TENM1: variants seen among roughly 807,000 people sequenced by gnomAD.
TENM1 encodes teneurin transmembrane protein 1.
Under a neutral mutation model 174.8 loss-of-function variants are expected in TENM1, and 35 were observed. The observed-to-expected ratio is 0.20, with a 90% CI of 0.15 to 0.27. The LOEUF (loss-of-function observed/expected upper bound fraction) is 0.27, where lower values mean the gene tolerates loss of function less well. Ranked by LOEUF, TENM1 falls within the 10% of genes least tolerant of loss-of-function variation. The pLI is 1.00. For missense variants in TENM1, 1,633 were observed against 2,130.1 expected, an observed-to-expected ratio of 0.77 and a Z score of 4.59; for synonymous variants, 781 against 798.7, an observed-to-expected ratio of 0.98 and a Z score of 0.37.
chrX:124,661,490 T>C (rs2051599667), intron 6 of TENM1, among the ~76,000 whole-genome samples: 1 of 111,931 alleles, frequency 8.9e-6, no homozygotes, highest in South Asian at 3.7e-4. Flanking sequence ...GCCAGTATTT[T>C]AGAATGTGTG....
intron 3 of TENM1, among the ~76,000 whole-genome samples, chrX:124,864,077 C>A (rs1485481636): frequency 8.9e-6 from 1 of 112,259 alleles, no homozygotes; most frequent in African/African-American, 3.2e-5. Context: ...GCATATATCA[C>A]AACACACAAG....
intron 3 of TENM1, among the ~76,000 whole-genome samples, chrX:124,764,353 AG>A (rs2054490314): frequency 9.0e-6 from 1 of 111,660 alleles, no homozygotes; most frequent in Non-Finnish European, 1.9e-5. Context: ...GAATCTGAAT[AG>A]GTAAGCAAGG....
rs781427653 is a variant in TENM1, at chrX:124,392,236, C to T, written c.5504G>A (p.Arg1835Gln). 32 of 1,208,993 alleles carry T rather than the reference C, an allele frequency of 2.6e-5. No individual in the cohort carries two copies. The East Asian group carries it at 5.3e-4, about 20-fold the overall frequency. The change falls in exon 28 of 32, where the codon CGA (arginine) becomes CAA (glutamine). Residue 1835 changes from arginine to glutamine, a missense_variant. Arg to Gln is a conservative substitution (Grantham distance 43, BLOSUM62 1). This residue lies in a region of TENM1 where 807 missense variants were observed against 1,125.3 expected (regional missense o/e 0.72). Coordinates refer to ENST00000422452, the Ensembl canonical transcript of TENM1. The stretch of plus-strand genomic sequence containing the variant: ...GCTTACAGGAGACCACAGAATGGGT[C>T]GCCCAGTCTGGTCATAAAGAATTCG...
At chrX:124,727,421 T>C (rs905818449) in intron 4 of TENM1, among the ~76,000 whole-genome samples, 1 of 111,961 alleles carries the variant, frequency 8.9e-6, no homozygotes, top group Non-Finnish European at 1.9e-5. Context: ...GAATATCAAG[T>C]AGACTCTGAA....
intron 11 of TENM1, among the ~76,000 whole-genome samples, chrX:124,609,494 A>G (rs1406259447): frequency 3.6e-5 from 4 of 111,676 alleles, no homozygotes; most frequent in Admixed American, 1.9e-4. Flanking sequence ...ATTGTAAGAC[A>G]GTAGTTGCCA....
intron 3 of TENM1, among the ~76,000 whole-genome samples, chrX:124,756,973 G>A (rs1226485431): frequency 5.0e-4 from 56 of 111,768 alleles, no homozygotes; most frequent in African/African-American, 1.5e-3. Context: ...CAGTCTGCCC[G>A]TTCTCAGATC....
the TENM1 span, among the ~76,000 whole-genome samples, chrX:125,063,606 A>T: frequency 5.4e-5 from 6 of 112,069 alleles, no homozygotes; most frequent in Non-Finnish European, 1.1e-4. Flanking sequence ...CCAAAACCAC[A>T]ATGAGATACC....
intron 6 of TENM1, among the ~76,000 whole-genome samples, chrX:124,659,966 C>T (rs1210057243): frequency 9.0e-6 from 1 of 111,199 alleles, no homozygotes; most frequent in African/African-American, 3.3e-5. Flanking sequence ...ATACCATATA[C>T]AAAAAACAAC....
chrX:124,643,173 G>A (rs2051062761), intron 10 of TENM1, among the ~76,000 whole-genome samples: 2 of 111,703 alleles, frequency 1.8e-5, no homozygotes. Context: ...TCAGAAGAAG[G>A]CCATTTTGTT....
At chrX:125,038,835 C>T in the TENM1 span, among the ~76,000 whole-genome samples, 13 of 111,569 alleles carry the variant, frequency 1.2e-4, no homozygotes, top group African/African-American at 3.2e-4. Flanking sequence ...CTGCTAGGAC[C>T]GCCAGTGGCA....
At chrX:124,589,637 G>T (rs2049679585) in intron 11 of TENM1, among the ~76,000 whole-genome samples, 1 of 110,569 alleles carries the variant, frequency 9.0e-6, no homozygotes, top group African/African-American at 3.3e-5. Context: ...TCCTTGTTCA[G>T]TCTTGGGAGG....
intron 11 of TENM1, among the ~76,000 whole-genome samples, chrX:124,617,909 G>T (rs73558352): frequency 0.1 from 11,483 of 111,085 alleles, 1,284 homozygotes; most frequent in African/African-American, 0.34. Context: ...AGGGTTAAAT[G>T]AAGGGAAAAG....
At chrX:124,478,242 A>G (rs926253187) in intron 22 of TENM1, among the ~76,000 whole-genome samples, 2 of 112,464 alleles carry the variant, frequency 1.8e-5, no homozygotes, top group Admixed American at 1.9e-4. Flanking sequence ...AGTGAGGTAC[A>G]GTGACTTGCA....
chrX:125,090,491 CA>C, the TENM1 span, among the ~76,000 whole-genome samples: 25,906 of 80,843 alleles, frequency 0.32, 3,093 homozygotes, highest in African/African-American at 0.44. Flanking sequence ...ACAAAATATA[CA>C]AAAAAAAAAA....
exon 15 of TENM1, chrX:124,546,975 G>C: frequency 8.3e-7 from 1 of 1,211,355 alleles, no homozygotes; most frequent in Non-Finnish European, 1.1e-6. Context: ...GCTGAGAGAA[G>C]AGAGTTTGGC....
intron 1 of TENM1, among the ~76,000 whole-genome samples, chrX:124,959,141 ATT>A (rs1157401634): frequency 7.2e-5 from 8 of 111,519 alleles, no homozygotes; most frequent in Non-Finnish European, 1.5e-4. Context: ...AATTAAAAAC[ATT>A]TTTTTCTGAC....
chrX:124,837,783 T>C (rs1252218385), intron 3 of TENM1, among the ~76,000 whole-genome samples: 1 of 111,759 alleles, frequency 8.9e-6, no homozygotes, highest in Non-Finnish European at 1.9e-5. Context: ...ACTATTTTAA[T>C]TCTAGGTTAG....
At chrX:124,491,747 T>C (rs1310564857) in intron 20 of TENM1, among the ~76,000 whole-genome samples, 1 of 112,176 alleles carries the variant, frequency 8.9e-6, no homozygotes, top group Non-Finnish European at 1.9e-5. Context: ...AAGTTATTTT[T>C]GAGGTCAGAT....
intron 23 of TENM1, among the ~76,000 whole-genome samples, chrX:124,432,407 G>A (rs66531449): frequency 7.1e-3 from 483 of 67,733 alleles, no homozygotes; most frequent in African/African-American, 0.018. Flanking sequence ...TTATTTATTT[G>A]TTTGTTTGTT....
Sources: allele counts gnomAD v4.1 joint callset (sites outside exome capture counted in the v4.1 genomes callset), GRCh38; gene constraint gnomAD v4.1.1; regional missense constraint gnomAD v4.1.1; transcripts MANE v1.5; gene names NCBI Gene and HGNC (gene_info 2026-07-23, HGNC 2026-07-21).